The following TCIRG1 variants were observed in gnomAD, a reference collection of about 807,000 sequenced individuals.
The protein encoded by TCIRG1 is V-type proton ATPase 116 kDa subunit a 3.
Under a neutral mutation model 95.5 loss-of-function variants are expected in TCIRG1, and 86 were observed. The ratio of observed to expected loss-of-function variants is 0.90; its 90% CI spans 0.76 to 1.08. The LOEUF (loss-of-function observed/expected upper bound fraction) is 1.08, where lower values mean the gene tolerates loss of function less well. Ranked by LOEUF, TCIRG1 falls within the 50% of genes least tolerant of loss-of-function variation. The pLI is 0.00. For missense variants in TCIRG1, 1,069 were observed against 1,140.2 expected, an observed-to-expected ratio of 0.94 and a Z score of 0.90; for synonymous variants, 499 against 501.3, an observed-to-expected ratio of 1.00 and a Z score of 0.06.
chr11:68,044,289 C>G lies in TCIRG1; in HGVS notation c.965C>G (p.Ala322Gly), dbSNP rs757090849. The G allele has an allele frequency of 6.2e-7, 1 of 1,605,598 alleles. No individual in the cohort carries two copies. Among genetic ancestry groups the G allele is most frequent in the South Asian group, 1.1e-5 (1 of 89,436 alleles). Reference sequence around the variant, plus strand: ...ACGCACAAGTGCCTCATTGCCGAGGCCTGGTGCTCTGTGCGAGACCTGCCC... The same window carrying G: ...ACGCACAAGTGCCTCATTGCCGAGGGCTGGTGCTCTGTGCGAGACCTGCCC... ...STTHKCLIAE[A>G]WCSVRDLPAL... is the part of the protein sequence containing the mutation. Residue 322 changes from alanine (A) to glycine (G), a missense_variant, in exon 9 of 20, where the codon GCC becomes GGC. Transcript: ENST00000265686.
downstream of TCIRG1, among the ~76,000 whole-genome samples, chr11:68,051,271 G>A (rs1855789075): frequency 6.6e-6 from 1 of 152,146 alleles, no homozygotes; most frequent in Non-Finnish European, 1.5e-5. Flanking sequence ...CCCGGCCAGT[G>A]CTCCATGCAG....
At chr11:68,041,671 G>A in intron 2 of TCIRG1, 82 bp from the exon 3 acceptor site, 5 of 1,190,992 alleles carry the variant, frequency 4.2e-6, no homozygotes, top group South Asian at 2.6e-5. Context: ...TAAGGCCTGG[G>A]GAGAGTCAGG....
rs1197127947 is a variant in TCIRG1, at chr11:68,050,665, G to T, written c.2414+1G>T. The stretch of plus-strand genomic sequence containing the variant: ...TCCTGCACGCCCTGCGGCTGCACTG[G>T]TGAGCGACCACCCACTGGCCTGGGC... On this transcript the variant is annotated splice_donor_variant, in intron 19 of 19. Transcript: ENST00000265686. LOFTEE classifies it high-confidence loss of function. The T allele has an allele frequency of 1.9e-6, 3 of 1,613,448 alleles. No individual in the cohort carries two copies. Among genetic ancestry groups the T allele is most frequent in the Non-Finnish European group, 2.5e-6 (3 of 1,180,008 alleles).
chr11:68,049,483 GT>G, intron 15 of TCIRG1, 179 bp from the exon 16 acceptor site: 6 of 1,017,076 alleles, frequency 5.9e-6, no homozygotes, highest in Non-Finnish European at 7.1e-6. Context: ...GGAACCGGGG[GT>G]CCCTTCCCTC....
At chr11:68,040,854 G>A (rs2134429275) in intron 1 of TCIRG1, among the ~76,000 whole-genome samples, 1 of 152,304 alleles carries the variant, frequency 6.6e-6, no homozygotes, top group South Asian at 2.1e-4. Flanking sequence ...ACAGGGAGCA[G>A]CGAGGGCTCC....
chr11:68,049,402 C>CA, intron 15 of TCIRG1, 108 bp downstream of exon 15: 1 of 1,247,866 alleles, frequency 8.0e-7, no homozygotes. Flanking sequence ...GGGATGCAGG[C>CA]CCCGGGCCGT....
chr11:68,047,995 C>G, intron 13 of TCIRG1, 23 bp downstream of exon 13: 1 of 1,606,386 alleles, frequency 6.2e-7, no homozygotes, highest in Non-Finnish European at 8.5e-7. Flanking sequence ...ATGGAGTGTC[C>G]GTGGGTGGTG....
chr11:68,043,951 G>T (rs764099418), intron 8 of TCIRG1, 44 bp downstream of exon 8: 40 of 1,470,268 alleles, frequency 2.7e-5, no homozygotes, highest in Non-Finnish European at 3.4e-5. Flanking sequence ...GGAGGTGGGT[G>T]CCCCCGGCCT....
In TCIRG1 at chr11:68,041,813, G is replaced by T; in HGVS notation, c.178G>T (p.Glu60Ter). Residue 60 changes from glutamate to a stop codon, truncating the protein, a stop_gained, in exon 3 of 20, where the codon GAG (glutamate) becomes TAG (stop). Transcript: ENST00000265686. LOFTEE classifies it high-confidence loss of function. ...RFVVDVRRCE[E>*]LEKTFTFLQE... is the part of the protein sequence containing the mutation. ...TGTGGTTGATGTTCGGCGCTGTGAG[G>T]AGCTGGAGAAGACCTTCAGTGAGTT... The T allele has an allele frequency of 6.2e-7, 1 of 1,608,936 alleles. No individual in the cohort carries two copies. The highest frequency in any genetic ancestry group is 8.5e-7 in the Non-Finnish European group (1 of 1,177,744).
In TCIRG1 at chr11:68,047,644, C is replaced by T. The variant is rs764774078; in HGVS notation, c.1306-3C>T. On this transcript the variant is annotated splice_polypyrimidine_tract_variant and splice_region_variant and intron_variant, in intron 11 of 19. Transcript: ENST00000265686. Reference sequence around the variant, plus strand: ...GCCCCTCACCACACCACTGCCCCCCCAGATCTGGCAGACTTTCTTCAGGGG... The same window carrying T: ...GCCCCTCACCACACCACTGCCCCCCTAGATCTGGCAGACTTTCTTCAGGGG... The T allele has an allele frequency of 3.1e-6, 5 of 1,613,194 alleles. No homozygotes were observed. Among genetic ancestry groups the T allele is most frequent in the East Asian group, 2.2e-5 (1 of 44,880 alleles).
At chr11:68,043,761 G>A (rs922420162) in intron 7 of TCIRG1, 53 bp from the exon 8 acceptor site, 3 of 1,544,694 alleles carry the variant, frequency 1.9e-6, no homozygotes, top group African/African-American at 2.7e-5. Flanking sequence ...TTCAGACTCA[G>A]AGTCTCGTAG....
chr11:68,042,557 G>A (rs1855218668), intron 3 of TCIRG1, 86 bp from the exon 4 acceptor site: 1 of 1,105,446 alleles, frequency 9.0e-7, no homozygotes, highest in Admixed American at 2.2e-5. Context: ...AGCAGCTGGT[G>A]GCCGATGGAG....
chr11:68,041,637 C>G (rs1316897259), intron 2 of TCIRG1, 116 bp from the exon 3 acceptor site: 3 of 894,848 alleles, frequency 3.4e-6, no homozygotes, highest in Non-Finnish European at 5.4e-6. Context: ...CCAGGGCACT[C>G]CACACCTTTC....
rs1378789343 is a variant in TCIRG1, at chr11:68,044,167, G to C, written c.843G>C (p.Val281=). Residue 281 remains valine, a synonymous_variant, in exon 9 of 20, where the codon GTG becomes GTC. Transcript: ENST00000265686. Reference sequence around the variant, plus strand: ...AGACAGAGCGGTTCCTGAGCCAGGTGCTAGGCCGGGTGCTGCAGCTGCTGC... The same window carrying C: ...AGACAGAGCGGTTCCTGAGCCAGGTCCTAGGCCGGGTGCTGCAGCTGCTGC... ...LGETERFLSQ[V]LGRVLQLLPP... is the part of the protein sequence containing the mutation. 6.4e-7 allele frequency: 1 copy of C among 1,552,606 alleles called. No individual in the cohort carries two copies. Among genetic ancestry groups the C allele is most frequent in the South Asian group, 1.2e-5 (1 of 84,216 alleles).
At chr11:68,051,236 ACAGAG>A (rs1431026028), downstream of TCIRG1, among the ~76,000 whole-genome samples, 1 of 152,130 alleles carries the variant, frequency 6.6e-6, no homozygotes, top group Non-Finnish European at 1.5e-5. Context: ...GTCTGGAAGT[ACAGAG>A]CAGTGTGGGG....
intron 3 of TCIRG1, 125 bp downstream of exon 3, chr11:68,041,956 C>T: frequency 1.2e-6 from 1 of 857,464 alleles, no homozygotes; most frequent in Non-Finnish European, 1.9e-6. Flanking sequence ...TATGCAGGGC[C>T]CTGCAGGGCC....
In TCIRG1 at chr11:68,049,278, T is replaced by C. The variant is rs748503466; in HGVS notation, c.1871T>C (p.Leu624Pro). The C allele has an allele frequency of 1.2e-6, 2 of 1,610,944 alleles. No homozygotes were observed. Among genetic ancestry groups the C allele is most frequent in the South Asian group, 2.2e-5 (2 of 91,050 alleles). Residue 624 changes from leucine (L) to proline (P), a missense_variant, in exon 15 of 20, where the codon CTG becomes CCG. By Grantham distance (98) the Leu-to-Pro change is moderately conservative. Coordinates refer to ENST00000265686, the MANE Select transcript of TCIRG1 (RefSeq NM_006019.4). ...TTCTCCCACAGCCCCAGCAACAGGC[T>C]GCTCTACCCCCGGCAGGTGGGCTGC... ...FLFSHSPSNR[L>P]LYPRQEVVQA...
At chr11:68,042,545 C>G (rs1855218559) in intron 3 of TCIRG1, 98 bp from the exon 4 acceptor site, 1 of 1,015,548 alleles carries the variant, frequency 9.8e-7, no homozygotes, top group Non-Finnish European at 1.5e-6. Context: ...CCTGGTGAAT[C>G]CAGCAGCTGG....
At chr11:68,049,373 G>A in intron 15 of TCIRG1, 79 bp downstream of exon 15, 1 of 1,433,874 alleles carries the variant, frequency 7.0e-7, no homozygotes, top group Non-Finnish European at 9.4e-7. Flanking sequence ...GGAGCTGCAA[G>A]ATCCTCGTCC....
Sources: gnomAD v4.1 joint callset for allele counts (sites outside exome capture counted in the v4.1 genomes callset) on GRCh38, gnomAD v4.1.1 for gene constraint, MANE v1.5 for transcripts, NCBI Gene and HGNC (gene_info 2026-07-23, HGNC 2026-07-21) for gene names.